RICTOR: variants seen among roughly 807,000 people sequenced by gnomAD.
RICTOR encodes the protein rapamycin-insensitive companion of mTOR.
A neutral mutation model predicts 214.9 loss-of-function variants in RICTOR; 49 were observed. The ratio of observed to expected loss-of-function variants is 0.23; its 90% CI spans 0.18 to 0.29. The LOEUF is 0.29. Among genes scored for constraint, RICTOR ranks in the 10% least tolerant of loss-of-function variants. RICTOR has a pLI of 1.00. For synonymous variants in RICTOR, 717 were observed against 711.3 expected, an observed-to-expected ratio of 1.01 and a Z score of -0.13; for missense variants, 1,625 against 2,047.0, an observed-to-expected ratio of 0.79 and a Z score of 3.98.
intron 3 of RICTOR, among the ~76,000 whole-genome samples, chr5:39,004,456 C>T (rs1163596004): frequency 2.1e-5 from 3 of 143,266 alleles, no homozygotes; most frequent in East Asian, 4.1e-4. Flanking sequence ...TCATTTATTT[C>T]TCAAACTCTT....
In RICTOR at chr5:38,968,023, A is replaced by G; in HGVS notation, c.980T>C (p.Leu327Pro). The G allele has an allele frequency of 6.3e-7, 1 of 1,593,626 alleles. No homozygotes were observed. Residue 327 changes from leucine to proline, a missense_variant, in exon 12 of 38, where the codon CTA becomes CCA. This residue lies in a region of RICTOR where 258 missense variants were observed against 393.7 expected (regional missense o/e 0.66). Transcript: ENST00000357387. ...CIPNMEIRRGLLEVLYDIFRL... is the reference protein window; with the variant it reads ...CIPNMEIRRGPLEVLYDIFRL... Reference sequence around the variant, plus strand: ...AAATATATCATAAAGCACTTCAAGTAGACCTCGCTAAATTAGCAAACAAAT... The same window carrying G: ...AAATATATCATAAAGCACTTCAAGTGGACCTCGCTAAATTAGCAAACAAAT...
intron 15 of RICTOR, 76 bp downstream of exon 15, chr5:38,966,565 C>T (rs1295910824): frequency 8.0e-6 from 6 of 748,590 alleles, no homozygotes; most frequent in Non-Finnish European, 1.4e-5. Context: ...TACAAAGCAA[C>T]ACTATTAAAA....
At chr5:38,960,280 A>C in intron 20 of RICTOR, 118 bp downstream of exon 20, 1 of 1,004,482 alleles carries the variant, frequency 1.0e-6, no homozygotes, top group South Asian at 1.6e-5. Context: ...TTATGTTTCC[A>C]AATACGGCTT....
Position 38,942,445 on chromosome 5 carries a change from A to G in RICTOR, c.5053-67T>C, listed in dbSNP as rs80137916. 1,186 of 877,948 alleles carry G rather than the reference A, an allele frequency of 1.4e-3. 17 individuals are homozygous for G. The African/African-American group carries it at 0.019, about 14-fold the overall frequency. 54.4% of individuals were successfully genotyped at this position (877,948 alleles called of 1,614,324 possible). A position where few individuals can be genotyped will look rare whatever the true frequency, so the allele number is the denominator to read the frequency against. ...CAGATGATATAACATATTTATATAA[A>G]TATCTAATTTTTTTTTTTTTTTGAG... On this transcript the variant is annotated intron_variant, in intron 37 of 37. Coordinates refer to ENST00000357387, the MANE Select transcript of RICTOR (RefSeq NM_152756.5).
chr5:38,971,008 CT>C (rs763365603), intron 11 of RICTOR: 1 of 152,236 alleles, frequency 6.6e-6, no homozygotes, highest in Non-Finnish European at 1.5e-5. Context: ...TTCAACTCAA[CT>C]TTTTTTTGTT....
chr5:39,005,250 A>G (rs1252812608), intron 3 of RICTOR, among the ~76,000 whole-genome samples: 1 of 152,018 alleles, frequency 6.6e-6, no homozygotes, highest in Admixed American at 6.6e-5. Context: ...TCTATACAAT[A>G]TATTTTCAAA....
intron 2 of RICTOR, among the ~76,000 whole-genome samples, chr5:39,023,245 A>G (rs1179592364): frequency 1.3e-5 from 2 of 152,166 alleles, no homozygotes; most frequent in Non-Finnish European, 2.9e-5. Context: ...TTACAGAAAC[A>G]AGCCAAGAAA....
At chr5:38,949,363 G>A (rs769243773) in intron 31 of RICTOR, 70 of 1,579,804 alleles carry the variant, frequency 4.4e-5, no homozygotes, top group Non-Finnish European at 5.9e-5. Flanking sequence ...TACCTGAAAA[G>A]GTTGTTTGTT....
intron 2 of RICTOR, among the ~76,000 whole-genome samples, chr5:39,062,417 C>T (rs1354287745): frequency 6.6e-6 from 1 of 150,984 alleles, no homozygotes; most frequent in Non-Finnish European, 1.5e-5. Flanking sequence ...TTCATTTTTC[C>T]TTTTTTTTTC....
At chr5:39,060,862 A>G (rs1037253072) in intron 2 of RICTOR, among the ~76,000 whole-genome samples, 1 of 152,006 alleles carries the variant, frequency 6.6e-6, no homozygotes, top group Non-Finnish European at 1.5e-5. Flanking sequence ...TTTTAGAATC[A>G]GAAACAAAGA....
intron 3 of RICTOR, among the ~76,000 whole-genome samples, chr5:39,019,103 C>T (rs1367861234): frequency 6.6e-6 from 1 of 152,054 alleles, no homozygotes; most frequent in Non-Finnish European, 1.5e-5. Flanking sequence ...GTTATGAAGG[C>T]TGAGAGGTGA....
chr5:39,010,813 C>G (rs1754448607), intron 3 of RICTOR, among the ~76,000 whole-genome samples: 1 of 152,126 alleles, frequency 6.6e-6, no homozygotes, highest in Admixed American at 6.5e-5. Flanking sequence ...GACTTGGGTG[C>G]TCTTTAAAAC....
At chr5:38,987,393 A>G (rs1302259569) in intron 7 of RICTOR, among the ~76,000 whole-genome samples, 2 of 152,044 alleles carry the variant, frequency 1.3e-5, no homozygotes, top group Non-Finnish European at 2.9e-5. Flanking sequence ...TACTGCCTCA[A>G]TTTCAGAACT....
Position 38,938,421 on chromosome 5 carries a change from G to C in RICTOR, c.*3883C>G, listed in dbSNP as rs563631397. On this transcript the variant is annotated 3_prime_UTR_variant, in exon 38 of 38. Transcript: ENST00000357387. ...TTTTCACTCCCCCTCTCTGCCCCAA[G>C]ACTTTGCATTTTGTGCTAAATCAAC... 1 of 231,224 alleles carries C rather than the reference G, an allele frequency of 4.3e-6. No homozygotes were observed. The highest frequency in any genetic ancestry group is 8.6e-6 in the Non-Finnish European group (1 of 116,626). 14.3% of individuals were successfully genotyped at this position (231,224 alleles called of 1,614,324 possible).
chr5:38,974,018 A>C (rs1751000335), intron 10 of RICTOR, among the ~76,000 whole-genome samples: 1 of 152,124 alleles, frequency 6.6e-6, no homozygotes, highest in African/African-American at 2.4e-5. Flanking sequence ...TTCTTACTTC[A>C]ATAGAAAGGT....
chr5:39,017,125 G>A (rs899826009), intron 3 of RICTOR, among the ~76,000 whole-genome samples: 2 of 152,014 alleles, frequency 1.3e-5, no homozygotes, highest in South Asian at 2.1e-4. Flanking sequence ...AAAATAACAG[G>A]AATTACTGCC....
intron 3 of RICTOR, among the ~76,000 whole-genome samples, chr5:39,010,308 C>T (rs1754405595): frequency 6.6e-6 from 1 of 152,124 alleles, no homozygotes. Context: ...CTGAGGTCTC[C>T]CCAGCCATGC....
intron 2 of RICTOR, among the ~76,000 whole-genome samples, chr5:39,029,907 A>C (rs188707125): frequency 1.3e-5 from 2 of 152,326 alleles, no homozygotes; most frequent in Admixed American, 1.3e-4. Context: ...TGTGAAATTT[A>C]TACAGCTGGC....
At chr5:38,985,354 AT>A (rs60186441) in intron 7 of RICTOR, among the ~76,000 whole-genome samples, 10 of 151,070 alleles carry the variant, frequency 6.6e-5, no homozygotes, top group East Asian at 3.9e-4. Flanking sequence ...TGTATTTAAA[AT>A]TTTTTTTTTC....
Sources: allele counts gnomAD v4.1 joint callset (sites outside exome capture counted in the v4.1 genomes callset), GRCh38; gene constraint gnomAD v4.1.1; regional missense constraint gnomAD v4.1.1; transcripts MANE v1.5; gene names NCBI Gene and HGNC (gene_info 2026-07-23, HGNC 2026-07-21).